SETBP1: variants seen among roughly 807,000 people sequenced by gnomAD.
SETBP1 encodes the protein SET binding protein 1, also known as SET-binding protein.
Under a neutral mutation model 101.0 loss-of-function variants are expected in SETBP1, and 9 were observed. The observed-to-expected ratio is 0.09, with a 90% CI of 0.05 to 0.16. The LOEUF (loss-of-function observed/expected upper bound fraction) is 0.16. SETBP1 is among the 10% of genes least tolerant of loss of function. SETBP1 has a pLI of 1.00. For missense variants in SETBP1, 1,858 were observed against 2,033.8 expected (o/e 0.91, Z 1.66); for synonymous variants, 818 against 788.5 (o/e 1.04, Z -0.63).
chr18:45,041,581 G>A, intron 5 of SETBP1, among the ~76,000 whole-genome samples: 1 of 152,130 alleles, frequency 6.6e-6, no homozygotes, highest in East Asian at 1.9e-4. Context: ...AGTTAAACTA[G>A]GTGGCTTATA....
intron 4 of SETBP1, among the ~76,000 whole-genome samples, chr18:44,955,178 G>A (rs777392193): frequency 3.3e-5 from 5 of 152,172 alleles, no homozygotes; most frequent in Non-Finnish European, 5.9e-5. Flanking sequence ...TTTCCCAGCT[G>A]GGGTTCACGT....
rs2073917048 is a variant in SETBP1, at chr18:45,063,265, G to A, written c.4358G>A (p.Arg1453Lys). 1 of 1,612,220 alleles carries A rather than the reference G, an allele frequency of 6.2e-7. No homozygotes were observed. The highest frequency in any genetic ancestry group is 2.2e-5 in the East Asian group (1 of 44,794). ...SKTGNNFVKK[R>K]RGRPRKQPTQ... is the part of the protein sequence containing the mutation. ...ACAGGCAACAACTTCGTGAAGAAGAGGCGCGGGCGTCCCAGGAAGCAGCCC... is the reference window on the plus strand; with the variant it reads ...ACAGGCAACAACTTCGTGAAGAAGAAGCGCGGGCGTCCCAGGAAGCAGCCC... Residue 1453 changes from arginine to lysine, a missense_variant, in exon 6 of 6, where the codon AGG becomes AAG. Arg to Lys is a conservative substitution (Grantham distance 26). Transcript: ENST00000649279.
intron 2 of SETBP1, among the ~76,000 whole-genome samples, chr18:44,743,647 T>C (rs2070150303): frequency 6.6e-6 from 1 of 152,070 alleles, no homozygotes; most frequent in Admixed American, 6.5e-5. Context: ...AAAAAGAAAA[T>C]AGCTCTGTGG....
At chr18:44,719,550 G>A (rs983860976) in intron 2 of SETBP1, among the ~76,000 whole-genome samples, 5 of 152,182 alleles carry the variant, frequency 3.3e-5, no homozygotes, top group Admixed American at 1.3e-4. Context: ...CCAAGGTACT[G>A]ACAGCTTCCC....
intron 3 of SETBP1, among the ~76,000 whole-genome samples, chr18:44,910,591 A>G (rs1232997584): frequency 1.3e-5 from 2 of 152,230 alleles, no homozygotes; most frequent in African/African-American, 2.4e-5. Context: ...GCCCATGGTC[A>G]GCATCCTGGG....
intron 4 of SETBP1, among the ~76,000 whole-genome samples, chr18:45,029,409 C>T (rs1192522449): frequency 3.3e-5 from 5 of 152,038 alleles, no homozygotes; most frequent in Admixed American, 1.3e-4. Context: ...GTTTTGGTTA[C>T]TGTAGCCTTG....
At chr18:44,799,077 C>T (rs192198774) in intron 2 of SETBP1, among the ~76,000 whole-genome samples, 9 of 152,272 alleles carry the variant, frequency 5.9e-5, no homozygotes, top group South Asian at 2.1e-4. Flanking sequence ...GCACTGTGGA[C>T]GAGATCTGGC....
chr18:44,713,794 T>G (rs1239848503), intron 2 of SETBP1, among the ~76,000 whole-genome samples: 1 of 152,244 alleles, frequency 6.6e-6, no homozygotes, highest in Non-Finnish European at 1.5e-5. Flanking sequence ...TTCTCTAGGC[T>G]AAAATTCAGG....
At chr18:44,914,524 G>A (rs2070383601) in intron 3 of SETBP1, among the ~76,000 whole-genome samples, 1 of 152,172 alleles carries the variant, frequency 6.6e-6, no homozygotes, top group Admixed American at 6.6e-5. Context: ...TAAACGAATG[G>A]ATTTGGCATT....
At chr18:44,996,113 A>C (rs2072492783) in intron 4 of SETBP1, among the ~76,000 whole-genome samples, 1 of 152,220 alleles carries the variant, frequency 6.6e-6, no homozygotes, top group Non-Finnish European at 1.5e-5. Flanking sequence ...TCAAGTAGCT[A>C]CTGTTCTTGT....
In SETBP1 at chr18:45,038,242, T is replaced by C. The variant is rs532960824; in HGVS notation, c.4001-243T>C. On this transcript the variant is annotated intron_variant, in intron 4 of 5. Coordinates refer to ENST00000649279, the MANE Select transcript of SETBP1 (RefSeq NM_015559.3). ...GGATTATTCTGCTTCATTAGGCCTA[T>C]GCTGTGACCCCACCACTTCCAGGCA... Among the ~76,000 whole-genome samples the C allele has an allele frequency of 1.1e-4, 17 of 152,252 alleles. No homozygotes were observed. The East Asian group carries it at 3.1e-3, about 28-fold the overall frequency.
chr18:44,825,130 C>A (rs1400525653), intron 2 of SETBP1, among the ~76,000 whole-genome samples: 1 of 152,216 alleles, frequency 6.6e-6, no homozygotes, highest in East Asian at 1.9e-4. Context: ...AGTTATGGTG[C>A]TAGACTTGGA....
At chr18:44,861,229 CTTTTTTTTTTTTTT>C (rs775284488) in intron 2 of SETBP1, among the ~76,000 whole-genome samples, 6 of 88,348 alleles carry the variant, frequency 6.8e-5, no homozygotes, top group Non-Finnish European at 8.7e-5. Flanking sequence ...TTTTTCTTTT[CTTTTTTTTTTTTTT>C]TTTTTTTTTT....
intron 2 of SETBP1, among the ~76,000 whole-genome samples, chr18:44,779,356 C>T (rs966452262): frequency 6.6e-6 from 1 of 152,216 alleles, no homozygotes; most frequent in Non-Finnish European, 1.5e-5. Flanking sequence ...AGAGAATACT[C>T]GCCTCTGATA....
chr18:44,731,914 G>A (rs1009846601), intron 2 of SETBP1, among the ~76,000 whole-genome samples: 4 of 152,174 alleles, frequency 2.6e-5, no homozygotes, highest in Non-Finnish European at 2.9e-5. Flanking sequence ...TAGTAATTCT[G>A]ATTGTTTGCC....
At chr18:44,856,869 A>G (rs943641604) in intron 2 of SETBP1, among the ~76,000 whole-genome samples, 2 of 152,188 alleles carry the variant, frequency 1.3e-5, no homozygotes, top group African/African-American at 4.8e-5. Flanking sequence ...ATTCTTTTCC[A>G]CTTTCTTGAT....
intron 5 of SETBP1, among the ~76,000 whole-genome samples, chr18:45,051,893 A>T (rs756231217): frequency 5.3e-5 from 8 of 152,236 alleles, no homozygotes; most frequent in Non-Finnish European, 1.2e-4. Flanking sequence ...CTCTGAACGG[A>T]GTAGGGAACA....
At chr18:44,996,306 C>G (rs955727972) in intron 4 of SETBP1, among the ~76,000 whole-genome samples, 1 of 152,170 alleles carries the variant, frequency 6.6e-6, no homozygotes. Flanking sequence ...CCTGCTCACC[C>G]GGGGCCAGAT....
In SETBP1 at chr18:44,997,297, C is replaced by T. The variant is rs143759558; in HGVS notation, c.4001-41188C>T. ...AGGCCTTCCCAGAAACCTGCCATCTCGGGACTGCACTCTCCAGCAAGCACA... is the reference window on the plus strand; with the variant it reads ...AGGCCTTCCCAGAAACCTGCCATCTTGGGACTGCACTCTCCAGCAAGCACA... On this transcript the variant is annotated intron_variant, in intron 4 of 5. Coordinates refer to ENST00000649279, the MANE Select transcript of SETBP1 (RefSeq NM_015559.3). Among the ~76,000 whole-genome samples the T allele has an allele frequency of 3.9e-5, 6 of 152,238 alleles. No homozygotes were observed. The South Asian group carries it at 6.2e-4, about 16-fold the overall frequency.
Sources: gnomAD v4.1 joint callset for allele counts (sites outside exome capture counted in the v4.1 genomes callset) on GRCh38, gnomAD v4.1.1 for gene constraint, MANE v1.5 for transcripts, NCBI Gene and HGNC (gene_info 2026-07-23, HGNC 2026-07-21) for gene names.